The following AGMO variants were observed in gnomAD, a reference collection of about 807,000 sequenced individuals.
The protein encoded by AGMO is alkylglycerol monooxygenase.
AGMO carries 75 observed loss-of-function variants against 60.2 expected under a neutral mutation model. The ratio of observed to expected loss-of-function variants is 1.25; its 90% CI spans 1.03 to 1.51. The LOEUF is 1.51. AGMO is among the 40% of genes most tolerant of loss of function. The pLI is 0.00. For missense variants in AGMO, 763 were observed against 525.5 expected (o/e 1.45, Z -4.42); for synonymous variants, 261 against 177.1 (o/e 1.47, Z -3.76).
At chr7:15,400,210 C>T (rs1784516978) in intron 5 of AGMO, among the ~76,000 whole-genome samples, 2 of 152,082 alleles carry the variant, frequency 1.3e-5, no homozygotes, top group South Asian at 2.1e-4. Flanking sequence ...GATAAATCCC[C>T]CTTACTCCTC....
intron 10 of AGMO, among the ~76,000 whole-genome samples, chr7:15,367,449 C>A (rs958049003): frequency 6.6e-6 from 1 of 151,750 alleles, no homozygotes; most frequent in Admixed American, 6.6e-5. Flanking sequence ...GTCATTATAT[C>A]GGCTTTATTT....
intron 12 of AGMO, among the ~76,000 whole-genome samples, chr7:15,225,676 G>C: frequency 6.6e-6 from 1 of 151,916 alleles, no homozygotes; most frequent in South Asian, 2.1e-4. Flanking sequence ...CTTCTATTAT[G>C]ATTGTTACTC....
At chr7:15,134,796 T>G in the AGMO span, among the ~76,000 whole-genome samples, 2 of 140,132 alleles carry the variant, frequency 1.4e-5, no homozygotes, top group Admixed American at 7.4e-5. Context: ...AGTTTGATAG[T>G]GAAATTGGGG....
At chr7:15,223,518 G>T (rs1176401414) in intron 12 of AGMO, among the ~76,000 whole-genome samples, 4 of 151,888 alleles carry the variant, frequency 2.6e-5, no homozygotes, top group Admixed American at 2.6e-4. Flanking sequence ...AAAATGTAAA[G>T]AACAGACACA....
chr7:15,342,173 A>AT, intron 12 of AGMO, among the ~76,000 whole-genome samples: 1 of 59,010 alleles, frequency 1.7e-5, no homozygotes. Flanking sequence ...CCACAGAGTT[A>AT]AAAAAAAAAA....
chr7:15,320,934 G>A (rs1269634159), intron 12 of AGMO, among the ~76,000 whole-genome samples: 1 of 152,054 alleles, frequency 6.6e-6, no homozygotes, highest in South Asian at 2.1e-4. Flanking sequence ...ACAAGTTAAG[G>A]GTTTCAGCAA....
At chr7:15,346,629 A>AG (rs1782043951) in intron 12 of AGMO, among the ~76,000 whole-genome samples, 1 of 151,474 alleles carries the variant, frequency 6.6e-6, no homozygotes, top group Non-Finnish European at 1.5e-5. Context: ...AAAAAAAAAA[A>AG]TACCATAAAG....
intron 9 of AGMO, 34 bp downstream of exon 9, chr7:15,387,372 C>A (rs149533765): frequency 6.2e-7 from 1 of 1,603,628 alleles, no homozygotes. Context: ...ATGAGACAAT[C>A]TTCACCATCT....
intron 3 of AGMO, among the ~76,000 whole-genome samples, chr7:15,504,658 T>C (rs1783465273): frequency 6.6e-6 from 1 of 151,862 alleles, no homozygotes; most frequent in African/African-American, 2.4e-5. Context: ...AAATTAAGTG[T>C]TTCCGTAAGT....
At chr7:15,118,167 AAGAGAAACACACACAC>A in the AGMO span, among the ~76,000 whole-genome samples, 2 of 58,588 alleles carry the variant, frequency 3.4e-5, no homozygotes, top group African/African-American at 1.1e-4. Flanking sequence ...AAAACCACTA[AAGAGAAACACACACAC>A]ACACACACAC....
the AGMO span, among the ~76,000 whole-genome samples, chr7:15,185,237 A>G: frequency 6.6e-6 from 1 of 152,126 alleles, no homozygotes; most frequent in Non-Finnish European, 1.5e-5. Flanking sequence ...ATTTTAACTA[A>G]TTTGATCATA....
At chr7:15,429,541 A>G (rs1056404187) in intron 4 of AGMO, among the ~76,000 whole-genome samples, 1 of 152,022 alleles carries the variant, frequency 6.6e-6, no homozygotes, top group African/African-American at 2.4e-5. Context: ...TGTGGCCTCC[A>G]GACCAGTGAG....
At chr7:15,481,572 CA>C (rs1554277625) in intron 3 of AGMO, among the ~76,000 whole-genome samples, 1 of 151,478 alleles carries the variant, frequency 6.6e-6, no homozygotes, top group Non-Finnish European at 1.5e-5. Flanking sequence ...AATGTATAAG[CA>C]AAAAGAAAAA....
the AGMO span, among the ~76,000 whole-genome samples, chr7:15,118,083 T>A: frequency 4.0e-5 from 6 of 151,542 alleles, no homozygotes; most frequent in African/African-American, 1.5e-4. Context: ...GCTTGAAAAG[T>A]TGACCAACTA....
At chr7:15,323,817 G>C (rs1320353182) in intron 12 of AGMO, among the ~76,000 whole-genome samples, 2 of 152,080 alleles carry the variant, frequency 1.3e-5, no homozygotes, top group Non-Finnish European at 2.9e-5. Context: ...TTTTTAAATT[G>C]TGAAATTATC....
chr7:15,496,580 G>A (rs1255854641), intron 3 of AGMO, among the ~76,000 whole-genome samples: 1 of 151,788 alleles, frequency 6.6e-6, no homozygotes, highest in African/African-American at 2.4e-5. Context: ...TATTCCTACT[G>A]CAATTGCCAC....
intron 12 of AGMO, chr7:15,358,398 A>C (rs1264039076): frequency 2.1e-6 from 1 of 471,226 alleles, no homozygotes; most frequent in Non-Finnish European, 4.4e-6. Flanking sequence ...GGATAATAAG[A>C]AGGCATAATA....
intron 12 of AGMO, among the ~76,000 whole-genome samples, chr7:15,321,238 C>T (rs1278864403): frequency 6.6e-6 from 1 of 152,102 alleles, no homozygotes; most frequent in African/African-American, 2.4e-5. Context: ...CTGCTATATA[C>T]ACATACATAC....
chr7:15,383,680 T>C (rs929833256), intron 10 of AGMO, among the ~76,000 whole-genome samples: 14 of 152,302 alleles, frequency 9.2e-5, no homozygotes, highest in South Asian at 8.3e-4. Context: ...CTTTTACTTA[T>C]GGAGTTTTTA....
Sources: gnomAD v4.1 joint callset for allele counts (sites outside exome capture counted in the v4.1 genomes callset) on GRCh38, gnomAD v4.1.1 for gene constraint, MANE v1.5 for transcripts, NCBI Gene and HGNC (gene_info 2026-07-23, HGNC 2026-07-21) for gene names.